IGF2BP2: variants seen among roughly 807,000 people sequenced by gnomAD.
IGF2BP2 encodes the protein insulin like growth factor 2 mRNA binding protein 2.
IGF2BP2 carries 17 observed loss-of-function variants against 75.8 expected under a neutral mutation model. The ratio of observed to expected loss-of-function variants is 0.22; its 90% confidence interval spans 0.15 to 0.34. IGF2BP2 has a LOEUF of 0.34. IGF2BP2 is among the 10% of genes least tolerant of loss of function. IGF2BP2 has a pLI of 1.00. For synonymous variants in IGF2BP2, 288 were observed against 295.6 expected (o/e 0.97, Z 0.26); for missense variants, 516 against 772.4 (o/e 0.67, Z 3.93).
intron 2 of IGF2BP2, among the ~76,000 whole-genome samples, chr3:185,709,235 C>G (rs1282220829): frequency 6.6e-6 from 1 of 152,268 alleles, no homozygotes; most frequent in African/African-American, 2.4e-5. Context: ...CAAACACCAA[C>G]TGTGCCATCC....
intron 2 of IGF2BP2, among the ~76,000 whole-genome samples, chr3:185,746,944 T>C (rs896319896): frequency 6.6e-6 from 1 of 152,206 alleles, no homozygotes; most frequent in African/African-American, 2.4e-5. Flanking sequence ...GTGGGCTCTT[T>C]TTCATTCCTG....
At chr3:185,791,739 C>T (rs1044364004) in intron 2 of IGF2BP2, among the ~76,000 whole-genome samples, 1 of 152,204 alleles carries the variant, frequency 6.6e-6, no homozygotes, top group Non-Finnish European at 1.5e-5. Flanking sequence ...CTTAAATATC[C>T]TAACCAGCCA....
chr3:185,756,144 A>G (rs769583568), intron 2 of IGF2BP2, among the ~76,000 whole-genome samples: 36 of 152,234 alleles, frequency 2.4e-4, no homozygotes, highest in Non-Finnish European at 4.6e-4. Context: ...GTGAGTTCTC[A>G]TATGGTTTAT....
intron 10 of IGF2BP2, among the ~76,000 whole-genome samples, chr3:185,667,251 C>G: frequency 6.6e-6 from 1 of 152,172 alleles, no homozygotes; most frequent in East Asian, 1.9e-4. Context: ...CAGTATAAGT[C>G]AAGATAAATT....
intron 2 of IGF2BP2, among the ~76,000 whole-genome samples, chr3:185,809,389 A>G (rs1739492044): frequency 6.6e-6 from 1 of 152,332 alleles, no homozygotes; most frequent in Admixed American, 6.5e-5. Context: ...CTTTGCAGCC[A>G]GCCTTATGAA....
At chr3:185,646,008 C>T (rs1443036916) in intron 15 of IGF2BP2, among the ~76,000 whole-genome samples, 1 of 152,124 alleles carries the variant, frequency 6.6e-6, no homozygotes, top group Admixed American at 6.5e-5. Flanking sequence ...GTGTGAGGGA[C>T]AGGGGAGGGA....
chr3:185,769,342 G>T (rs1476459739), intron 2 of IGF2BP2, among the ~76,000 whole-genome samples: 2 of 151,940 alleles, frequency 1.3e-5, no homozygotes, highest in Non-Finnish European at 2.9e-5. Context: ...GAGACAGAAT[G>T]ACACCCTGTC....
At chr3:185,787,909 T>A (rs1391622841) in intron 2 of IGF2BP2, among the ~76,000 whole-genome samples, 1 of 152,214 alleles carries the variant, frequency 6.6e-6, no homozygotes, top group African/African-American at 2.4e-5. Context: ...TTTGTTTTTT[T>A]AAACAATTAC....
In IGF2BP2 at chr3:185,822,014, C is replaced by G. The variant is rs559665867; in HGVS notation, c.239+1139G>C. 1.4e-4 allele frequency among the ~76,000 whole-genome samples: 21 copies of G among 149,708 alleles called. No homozygotes were observed. In the South Asian group the frequency reaches 2.1e-3, roughly 15 times the overall value. On this transcript the variant is annotated intron_variant, in intron 2 of 15. Coordinates refer to ENST00000382199, the MANE Select transcript of IGF2BP2 (RefSeq NM_006548.6). ...CACCTTTTTTAAATTAAAAAAAAAA[C>G]AGGATTTAAGTAATTTTCTCATATG...
At chr3:185,790,501 C>A (rs1354820823) in intron 2 of IGF2BP2, among the ~76,000 whole-genome samples, 1 of 152,188 alleles carries the variant, frequency 6.6e-6, no homozygotes, top group Non-Finnish European at 1.5e-5. Context: ...AATCTTCCAT[C>A]ACAAAGAGAA....
In IGF2BP2 at chr3:185,824,931, C is replaced by T. The variant is rs143679994; in HGVS notation, c.30G>A (p.Leu10=). 6.4e-5 allele frequency: 99 copies of T among 1,559,010 alleles called. 1 individual carries two copies. The highest frequency in any genetic ancestry group is 8.3e-5 in the Non-Finnish European group (95 of 1,149,310). The change falls in exon 1 of 16, where the codon CTG becomes CTA. Residue 10 remains leucine, a synonymous_variant. Transcript: ENST00000382199. ...GGTCGTCGGCGGTGACGGCGGGGCT[C>T]AGGTTCCCGATGTAAAGCTTGTTCA... MMNKLYIGN[L]SPAVTADDLR... is the part of the protein sequence containing the mutation.
chr3:185,677,060 TATATATATAGAGAGAG>T (rs1325810153), intron 7 of IGF2BP2, among the ~76,000 whole-genome samples: 1 of 52,824 alleles, frequency 1.9e-5, no homozygotes, highest in Non-Finnish European at 3.6e-5. Flanking sequence ...TATATATATA[TATATATATAGAGAGAG>T]AGAGAGAGAG....
chr3:185,824,706 G>C (rs1741812484), intron 1 of IGF2BP2, 77 bp downstream of exon 1: 4 of 1,134,148 alleles, frequency 3.5e-6, no homozygotes, highest in Admixed American at 4.5e-5. Flanking sequence ...GCCGCCCGCC[G>C]GACTCGGCCT....
At chr3:185,795,166 G>C (rs1008701970) in intron 2 of IGF2BP2, among the ~76,000 whole-genome samples, 3 of 152,086 alleles carry the variant, frequency 2.0e-5, no homozygotes, top group African/African-American at 7.2e-5. Context: ...CAAAGTGCTG[G>C]GATTACAGGC....
In IGF2BP2 at chr3:185,668,490, G is replaced by T. The variant is rs1016171956; in HGVS notation, c.1200+4051C>A. Reference sequence around the variant, plus strand: ...TTCAAACAAAAGTTCATTTGTTCGAGAGAGAGAGAGAGAGAGAGATATATA... The same window carrying T: ...TTCAAACAAAAGTTCATTTGTTCGATAGAGAGAGAGAGAGAGAGATATATA... On this transcript the variant is annotated intron_variant, in intron 10 of 15. Coordinates refer to ENST00000382199, the MANE Select transcript of IGF2BP2 (RefSeq NM_006548.6). Among the ~76,000 whole-genome samples the T allele has an allele frequency of 2.8e-3, 334 of 117,566 alleles. 2 individuals carry two copies. The highest frequency in any genetic ancestry group is 0.011 in the African/African-American group (318 of 29,544). The allele number at this position is 117,566 out of a possible 152,430, so 77.1% of individuals were successfully genotyped here. A position where few individuals can be genotyped will look rare whatever the true frequency, so the allele number is the denominator to read the frequency against.
chr3:185,754,543 C>T (rs1330687303), intron 2 of IGF2BP2, among the ~76,000 whole-genome samples: 1 of 152,086 alleles, frequency 6.6e-6, no homozygotes, highest in East Asian at 1.9e-4. Context: ...GGGTAATGGG[C>T]AGAGGATGGA....
At chr3:185,654,365 T>C (rs1715089729) in intron 12 of IGF2BP2, among the ~76,000 whole-genome samples, 1 of 152,222 alleles carries the variant, frequency 6.6e-6, no homozygotes, top group African/African-American at 2.4e-5. Context: ...TTGAGATCCA[T>C]ACCTGGCATT....
At chr3:185,709,644 C>T (rs1200167380) in intron 2 of IGF2BP2, among the ~76,000 whole-genome samples, 3 of 152,248 alleles carry the variant, frequency 2.0e-5, no homozygotes, top group Non-Finnish European at 4.4e-5. Context: ...TCATGATCGT[C>T]ATGGTGATGA....
intron 2 of IGF2BP2, among the ~76,000 whole-genome samples, chr3:185,767,461 T>C (rs147460695): frequency 8.5e-5 from 13 of 152,330 alleles, no homozygotes; most frequent in African/African-American, 2.6e-4. Flanking sequence ...AAATAAATTA[T>C]AAAACATCAA....
Sources: gnomAD v4.1 joint callset for allele counts (sites outside exome capture counted in the v4.1 genomes callset) on GRCh38, gnomAD v4.1.1 for gene constraint, MANE v1.5 for transcripts, NCBI Gene and HGNC (gene_info 2026-07-23, HGNC 2026-07-21) for gene names.